Variants in KANSL1L observed in about 807,000 individuals in gnomAD.
KANSL1L encodes KAT8 regulatory NSL complex subunit 1-like protein.
Under a neutral mutation model 108.6 loss-of-function variants are expected in KANSL1L, and 25 were observed. The observed-to-expected ratio is 0.23, with a 90% CI of 0.17 to 0.32. The LOEUF (loss-of-function observed/expected upper bound fraction) is 0.32, where lower values mean the gene tolerates loss of function less well. Ranked by LOEUF, KANSL1L falls within the 10% of genes least tolerant of loss-of-function variation. The probability of loss-of-function intolerance (pLI) is 1.00; values close to 1 mark genes in which losing one functional copy is unlikely to be tolerated. For missense variants in KANSL1L, 1,137 were observed against 1,125.7 expected (o/e 1.01, Z -0.14); for synonymous variants, 405 against 395.1 (o/e 1.03, Z -0.30).
intron 6 of KANSL1L, among the ~76,000 whole-genome samples, chr2:210,072,985 T>G (rs1268801877): frequency 6.6e-6 from 1 of 152,192 alleles, no homozygotes; most frequent in African/African-American, 2.4e-5. Flanking sequence ...AGTTTTCCTT[T>G]TCACCAATTT....
chr2:210,051,873 C>G (rs2094295799), intron 6 of KANSL1L, among the ~76,000 whole-genome samples: 1 of 151,946 alleles, frequency 6.6e-6, no homozygotes, highest in South Asian at 2.1e-4. Context: ...TTCTTTTTGG[C>G]TGTGGAAATA....
At chr2:210,123,863 T>TA (rs2125519570) in intron 3 of KANSL1L, among the ~76,000 whole-genome samples, 2 of 152,082 alleles carry the variant, frequency 1.3e-5, no homozygotes, top group East Asian at 3.9e-4. Flanking sequence ...GAGACAGTAT[T>TA]AGAGCTTGAC....
At chr2:210,024,498 C>T (rs1472600734) in intron 13 of KANSL1L, among the ~76,000 whole-genome samples, 2 of 152,034 alleles carry the variant, frequency 1.3e-5, no homozygotes, top group East Asian at 3.9e-4. Context: ...TGCTCCTTAA[C>T]TAAAGTGACT....
At chr2:210,031,605 G>A in intron 8 of KANSL1L, 59 bp from the exon 9 acceptor site, 2 of 1,108,522 alleles carry the variant, frequency 1.8e-6, no homozygotes, top group South Asian at 3.8e-5. Flanking sequence ...CAGTGAACAT[G>A]TCAATCTGTT....
At chr2:210,107,320 G>A (rs952012149) in intron 3 of KANSL1L, among the ~76,000 whole-genome samples, 2 of 151,908 alleles carry the variant, frequency 1.3e-5, no homozygotes, top group Non-Finnish European at 2.9e-5. Context: ...ATCTAAGAGA[G>A]AAACCATTTG....
chr2:210,128,924 G>C (rs2095093758), intron 3 of KANSL1L, 107 bp downstream of exon 3: 1 of 885,370 alleles, frequency 1.1e-6, no homozygotes, highest in South Asian at 2.2e-5. Flanking sequence ...ACATAAACTG[G>C]CTACATTTTT....
chr2:210,110,435 C>A (rs2094892624), intron 3 of KANSL1L, among the ~76,000 whole-genome samples: 1 of 152,126 alleles, frequency 6.6e-6, no homozygotes, highest in South Asian at 2.1e-4. Flanking sequence ...TTTCTAGAAA[C>A]CTATTCCTTT....
Position 210,030,317 on chromosome 2 carries a change from ACT to A in KANSL1L, c.2156-401_2156-400del, listed in dbSNP as rs1211127406. ...GGTATCTGTCCTTGGTCTTCTGAACACTCTTAATTTTTTGAAAAAATTCTGCT... is the reference window on the plus strand; with the variant it reads ...GGTATCTGTCCTTGGTCTTCTGAACACTTAATTTTTTGAAAAAATTCTGCT... On this transcript the variant is annotated intron_variant, in intron 9 of 14. Coordinates refer to ENST00000281772, the MANE Select transcript of KANSL1L (RefSeq NM_152519.4). Among the ~76,000 whole-genome samples, 6 of 151,750 alleles carry A rather than the reference ACT, an allele frequency of 4.0e-5. No individual in the cohort carries two copies. In the South Asian group the frequency reaches 6.2e-4, roughly 16 times the overall value.
At chr2:210,156,356 T>C (rs983599328) in intron 1 of KANSL1L, among the ~76,000 whole-genome samples, 1 of 152,124 alleles carries the variant, frequency 6.6e-6, no homozygotes, top group East Asian at 1.9e-4. Context: ...GTAGAAAATG[T>C]GTTTGTCAAA....
At chr2:210,111,759 T>A (rs1188724452) in intron 3 of KANSL1L, among the ~76,000 whole-genome samples, 1 of 152,068 alleles carries the variant, frequency 6.6e-6, no homozygotes, top group Admixed American at 6.5e-5. Flanking sequence ...ATACTTTAAG[T>A]TTTAGGGTAC....
Position 210,154,509 on chromosome 2 carries a change from T to TCAGA in KANSL1L, c.70_73dup (p.Asp25ValfsTer2), listed in dbSNP as rs1344725378. 5.6e-6 allele frequency: 9 copies of TCAGA among 1,606,110 alleles called. No homozygotes were observed. Among genetic ancestry groups the TCAGA allele is most frequent in the Non-Finnish European group, 7.7e-6 (9 of 1,175,620 alleles). Reference sequence around the variant, plus strand: ...GGGACTTTCCATGTAGAGCATCTTGTCAGACTCCATGGTACTTGGCAAAGA... The same window carrying TCAGA: ...GGGACTTTCCATGTAGAGCATCTTGTCAGACAGACTCCATGGTACTTGGCAAAGA... On this transcript the variant is annotated stop_gained and frameshift_variant, in exon 2 of 15. Transcript: ENST00000281772. LOFTEE classifies it high-confidence loss of function.
chr2:210,119,763 C>T (rs190576357), intron 3 of KANSL1L, among the ~76,000 whole-genome samples: 8 of 152,230 alleles, frequency 5.3e-5, no homozygotes, highest in East Asian at 1.9e-4. Context: ...AAATCTAGAA[C>T]GTAACAAGGA....
At chr2:210,055,833 T>C (rs371927218) in intron 6 of KANSL1L, among the ~76,000 whole-genome samples, 8 of 152,218 alleles carry the variant, frequency 5.3e-5, no homozygotes, top group African/African-American at 1.7e-4. Flanking sequence ...TTGGAAAATT[T>C]GCAGCCTGAC....
At chr2:210,084,219 C>T (rs954867951) in intron 5 of KANSL1L, among the ~76,000 whole-genome samples, 1 of 152,030 alleles carries the variant, frequency 6.6e-6, no homozygotes, top group Non-Finnish European at 1.5e-5. Context: ...GTCAGGAGTT[C>T]GAGACCAGCC....
At chr2:210,034,630 A>G (rs781459263) in intron 8 of KANSL1L, among the ~76,000 whole-genome samples, 4 of 152,224 alleles carry the variant, frequency 2.6e-5, no homozygotes, top group Non-Finnish European at 5.9e-5. Context: ...AAATGGATTA[A>G]AAGTCTATTT....
chr2:210,110,365 T>C (rs2094891923), intron 3 of KANSL1L, among the ~76,000 whole-genome samples: 3 of 152,248 alleles, frequency 2.0e-5, no homozygotes, highest in Admixed American at 2.0e-4. Context: ...TTCTCAATCC[T>C]ATCTCTTATC....
chr2:210,095,318 A>AC (rs1255055427), intron 5 of KANSL1L, among the ~76,000 whole-genome samples: 1 of 151,756 alleles, frequency 6.6e-6, no homozygotes, highest in Non-Finnish European at 1.5e-5. Flanking sequence ...GGTAATCTTG[A>AC]CCCCCTCTCT....
intron 2 of KANSL1L, among the ~76,000 whole-genome samples, chr2:210,144,369 A>G (rs2095251163): frequency 6.6e-6 from 1 of 152,166 alleles, no homozygotes; most frequent in African/African-American, 2.4e-5. Context: ...CAGATTTGTG[A>G]CGTTTTCAAT....
intron 1 of KANSL1L, among the ~76,000 whole-genome samples, chr2:210,157,415 C>T (rs113282525): frequency 0.012 from 1,768 of 152,068 alleles, 13 homozygotes; most frequent in Non-Finnish European, 0.018. Context: ...AGAGAAAAGA[C>T]GTGGGTGCAG....
Sources: gnomAD v4.1 joint callset for allele counts (sites outside exome capture counted in the v4.1 genomes callset) on GRCh38, gnomAD v4.1.1 for gene constraint, MANE v1.5 for transcripts, NCBI Gene and HGNC (gene_info 2026-07-23, HGNC 2026-07-21) for gene names.